Variants in EIF2AK2 observed in about 807,000 individuals in gnomAD.
EIF2AK2 encodes interferon-induced, double-stranded RNA-activated protein kinase.
In EIF2AK2, 40 loss-of-function variants were observed where a neutral mutation model predicts 70.5. The ratio of observed to expected loss-of-function variants is 0.57; its 90% confidence interval spans 0.44 to 0.74. EIF2AK2 has a LOEUF of 0.74. Ranked by LOEUF, EIF2AK2 falls within the 30% of genes least tolerant of loss-of-function variation. EIF2AK2 has a pLI of 0.00. For missense variants in EIF2AK2, 555 were observed against 644.3 expected (o/e 0.86, Z 1.50); for synonymous variants, 198 against 220.9 (o/e 0.90, Z 0.92).
chr2:37,138,450 CTG>C, intron 7 of EIF2AK2, 57 bp downstream of exon 7: 1 of 1,603,310 alleles, frequency 6.2e-7, no homozygotes, highest in Non-Finnish European at 8.5e-7. Context: ...ACATAAAAAT[CTG>C]TCTTTCAGAC....
intron 12 of EIF2AK2, among the ~76,000 whole-genome samples, chr2:37,121,262 CAAAAAA>C (rs70949733): frequency 5.5e-5 from 4 of 72,720 alleles, no homozygotes; most frequent in Admixed American, 2.3e-4. Context: ...GACACCGTCT[CAAAAAA>C]AAAAAAAAAA....
chr2:37,142,083 C>A (rs1205630216), intron 4 of EIF2AK2, among the ~76,000 whole-genome samples: 1 of 152,066 alleles, frequency 6.6e-6, no homozygotes, highest in Non-Finnish European at 1.5e-5. Flanking sequence ...CTATTATTAT[C>A]TCTACCTTTT....
At chr2:37,118,012 G>A (rs1198875118) in intron 13 of EIF2AK2, among the ~76,000 whole-genome samples, 1 of 152,112 alleles carries the variant, frequency 6.6e-6, no homozygotes, top group South Asian at 2.1e-4. Flanking sequence ...AGAAGTCTCA[G>A]TATCAAAGCT....
At position 37,101,183 on chromosome 2, in the gene EIF2AK2, C is replaced by T. The variant is rs1271618406; in HGVS notation, c.*6090G>A. On this transcript the variant is annotated 3_prime_UTR_variant, in exon 17 of 17. Transcript: ENST00000233057. ...GCTAGTTTCAAAGTATTGGTTGGGC[C>T]ATACCTTGCTTTAAAGAAATACTCA... 1 of 152,198 alleles carries T rather than the reference C, an allele frequency of 6.6e-6. No homozygotes were observed. Among genetic ancestry groups the T allele is most frequent in the Non-Finnish European group, 1.5e-5 (1 of 68,054 alleles). 9.4% of individuals were successfully genotyped at this position (152,198 alleles called of 1,614,324 possible). A position where few individuals can be genotyped will look rare whatever the true frequency, so the allele number is the denominator to read the frequency against.
At chr2:37,133,911 C>T (rs984441434) in intron 10 of EIF2AK2, among the ~76,000 whole-genome samples, 2 of 152,064 alleles carry the variant, frequency 1.3e-5, no homozygotes, top group African/African-American at 4.8e-5. Flanking sequence ...TTTGTTGTTT[C>T]TTTCTATCTA....
At chr2:37,108,037 T>G (rs1480803147) in intron 15 of EIF2AK2, among the ~76,000 whole-genome samples, 1 of 151,870 alleles carries the variant, frequency 6.6e-6, no homozygotes, top group East Asian at 1.9e-4. Context: ...TCCCAGTTAC[T>G]TGGGAGGCTG....
rs1350135782 is a variant in EIF2AK2 at position 37,106,947 on chromosome 2, C to T, written c.*326G>A. The T allele has an allele frequency of 1.7e-5, 3 of 173,398 alleles. No individual in the cohort carries two copies. The highest frequency in any genetic ancestry group is 2.4e-5 in the African/African-American group (1 of 41,384). The allele number at this position is 173,398 out of a possible 1,614,324, so 10.7% of individuals were successfully genotyped here. On this transcript the variant is annotated 3_prime_UTR_variant, in exon 17 of 17. Transcript: ENST00000233057. ...AATCCAGCTACTCAGGAGGCTGAGG[C>T]AGGAGAATCACTTGAACCCAAGAGG...
intron 5 of EIF2AK2, among the ~76,000 whole-genome samples, chr2:37,140,519 G>A (rs1360755869): frequency 6.6e-6 from 1 of 152,018 alleles, no homozygotes; most frequent in Non-Finnish European, 1.5e-5. Flanking sequence ...AACAGGGTGA[G>A]TCTTCCCCGC....
chr2:37,141,592 T>C lies in EIF2AK2; in HGVS notation c.350A>G (p.Asn117Ser). The change falls in exon 5 of 17, where the codon AAT becomes AGT. Residue 117 changes from asparagine to serine, a missense_variant. Coordinates refer to ENST00000233057, the MANE Select transcript of EIF2AK2 (RefSeq NM_001135651.3). Reference sequence around the variant, plus strand: ...CACCCCCGATGCACACTGTTCATAATTTACAGTTAGTCTTTTCTTCTGGGC... The same window carrying C: ...CACCCCCGATGCACACTGTTCATAACTTACAGTTAGTCTTTTCTTCTGGGC... ...RIAQKKRLTV[N>S]YEQCASGVHG... 1 of 1,614,130 alleles carries C rather than the reference T, an allele frequency of 6.2e-7. No homozygotes were observed. The highest frequency in any genetic ancestry group is 8.5e-7 in the Non-Finnish European group (1 of 1,179,994).
rs1170895422 is a variant in EIF2AK2, at chr2:37,107,488, A to G, written c.1519T>C (p.Phe507Leu). The G allele has an allele frequency of 6.2e-7, 1 of 1,612,770 alleles. No homozygotes were observed. Among genetic ancestry groups the G allele is most frequent in the Non-Finnish European group, 8.5e-7 (1 of 1,179,728 alleles). ...CAAGTGCTTACTTCTTTTTTATCAA[A>G]TATATCTGAGATGATGCCATCCCGT... The part of the protein sequence containing the change: ...DLRDGIISDI[F>L]DKKEKTLLQK... The change falls in exon 16 of 17, where the codon TTT becomes CTT. Residue 507 changes from phenylalanine to leucine, a missense_variant. Physicochemically the swap from Phe to Leu is conservative, Grantham distance 22 (BLOSUM62 0). This residue lies in a region of EIF2AK2 where 299 missense variants were observed against 375.4 expected (regional missense o/e 0.80). Coordinates refer to ENST00000233057, the MANE Select transcript of EIF2AK2 (RefSeq NM_001135651.3).
In EIF2AK2 at chr2:37,101,386, T is replaced by C. The variant is rs994964614; in HGVS notation, c.*5887A>G. On this transcript the variant is annotated 3_prime_UTR_variant, in exon 17 of 17. Transcript: ENST00000233057. ...TTTTACAACCCCTGAAATGAAATAA[T>C]GGATCCAGGCAACAATTATCAATAG... 1 of 152,212 alleles carries C rather than the reference T, an allele frequency of 6.6e-6. No homozygotes were observed. The highest frequency in any genetic ancestry group is 1.5e-5 in the Non-Finnish European group (1 of 68,036). The allele number at this position is 152,212 out of a possible 1,614,324, so 9.4% of individuals were successfully genotyped here.
intron 14 of EIF2AK2, among the ~76,000 whole-genome samples, chr2:37,110,784 C>CA (rs928048276): frequency 4.1e-4 from 61 of 150,520 alleles, no homozygotes; most frequent in South Asian, 1.3e-3. Context: ...GCAATCAACC[C>CA]AAAAAAAAAT....
chr2:37,151,320 A>G (rs75810742), intron 1 of EIF2AK2, among the ~76,000 whole-genome samples: 4,856 of 152,306 alleles, frequency 0.032, 118 homozygotes, highest in South Asian at 0.065. Context: ...AAAATATGTA[A>G]ATCGCCAATA....
chr2:37,117,174 C>T (rs1674373072), intron 13 of EIF2AK2, among the ~76,000 whole-genome samples: 1 of 148,842 alleles, frequency 6.7e-6, no homozygotes, highest in Admixed American at 6.7e-5. Context: ...GATCACTCCA[C>T]TGCACTCCAG....
intron 10 of EIF2AK2, among the ~76,000 whole-genome samples, chr2:37,134,159 T>A (rs943021875): frequency 7.9e-5 from 12 of 152,166 alleles, no homozygotes; most frequent in African/African-American, 2.9e-4. Flanking sequence ...AGCTTCCTTT[T>A]TTGAAAGAGC....
intron 1 of EIF2AK2, among the ~76,000 whole-genome samples, chr2:37,151,807 C>G (rs1444410953): frequency 6.6e-6 from 1 of 152,236 alleles, no homozygotes; most frequent in Non-Finnish European, 1.5e-5. Context: ...GGCCAGGCGC[C>G]GTGGCTCATG....
At position 37,102,504 on chromosome 2, in the gene EIF2AK2, T is replaced by C. The variant is rs1439445989; in HGVS notation, c.*4769A>G. On this transcript the variant is annotated 3_prime_UTR_variant, in exon 17 of 17. Transcript: ENST00000233057. ...AGTGGGGACTGCATATTGTGAGTTA[T>C]GTCTCTAGTTAGTTAACAGATAGTA... The C allele has an allele frequency of 6.7e-6, 1 of 149,016 alleles. No homozygotes were observed. The highest frequency in any genetic ancestry group is 1.5e-5 in the Non-Finnish European group (1 of 68,032). 9.2% of individuals were successfully genotyped at this position (149,016 alleles called of 1,614,324 possible).
In EIF2AK2 at chr2:37,103,895, T is replaced by A. The variant is rs1417658485; in HGVS notation, c.*3378A>T. 1 of 152,158 alleles carries A rather than the reference T, an allele frequency of 6.6e-6. No individual in the cohort carries two copies. Among genetic ancestry groups the A allele is most frequent in the Non-Finnish European group, 1.5e-5 (1 of 68,022 alleles). 9.4% of individuals were successfully genotyped at this position (152,158 alleles called of 1,614,324 possible). On this transcript the variant is annotated 3_prime_UTR_variant, in exon 17 of 17. Coordinates refer to ENST00000233057, the MANE Select transcript of EIF2AK2 (RefSeq NM_001135651.3). ...GACTCATGCCTGTAATCTCAACACT[T>A]TGGGAGGCCAAGGCAAGTGAATCAC...
intron 13 of EIF2AK2, among the ~76,000 whole-genome samples, chr2:37,118,775 A>G (rs1674433684): frequency 6.6e-6 from 1 of 152,218 alleles, no homozygotes; most frequent in Non-Finnish European, 1.5e-5. Context: ...CACGGAAGCA[A>G]TACCTTTTAA....
Sources: gnomAD v4.1 joint callset for allele counts (sites outside exome capture counted in the v4.1 genomes callset) on GRCh38, gnomAD v4.1.1 for gene constraint, gnomAD v4.1.1 regional missense constraint, MANE v1.5 for transcripts, NCBI Gene and HGNC (gene_info 2026-07-23, HGNC 2026-07-21) for gene names.